The following RGS17 variants were observed in gnomAD, a reference collection of about 807,000 sequenced individuals.
The protein encoded by RGS17 is regulator of G protein signaling 17, also known as regulator of G-protein signaling 17.
A neutral mutation model predicts 25.5 loss-of-function variants in RGS17; 12 were observed. The observed-to-expected ratio is 0.47, with a 90% CI of 0.30 to 0.76. RGS17 has a LOEUF of 0.76. RGS17 is among the 30% of genes least tolerant of loss of function. The pLI, the probability that RGS17 is intolerant of heterozygous loss-of-function variation, is 0.07. For synonymous variants in RGS17, 71 were observed against 76.9 expected (o/e 0.92, Z 0.40); for missense variants, 196 against 242.2 (o/e 0.81, Z 1.27).
intron 2 of RGS17, among the ~76,000 whole-genome samples, chr6:153,033,313 G>A (rs1254498893): frequency 6.6e-6 from 1 of 152,080 alleles, no homozygotes; most frequent in African/African-American, 2.4e-5. Context: ...AATCTACACG[G>A]TACGTTTATG....
intron 1 of RGS17, among the ~76,000 whole-genome samples, chr6:153,047,106 C>T (rs1320529555): frequency 6.6e-6 from 1 of 152,038 alleles, no homozygotes; most frequent in African/African-American, 2.4e-5. Context: ...AATAATCATC[C>T]TACAATTTTA....
intron 1 of RGS17, among the ~76,000 whole-genome samples, chr6:153,082,790 T>C (rs1202642241): frequency 6.6e-6 from 1 of 152,188 alleles, no homozygotes; most frequent in Non-Finnish European, 1.5e-5. Flanking sequence ...TTTGTTCTCA[T>C]CTTTTAATGG....
intron 2 of RGS17, among the ~76,000 whole-genome samples, chr6:153,030,758 A>G (rs928089549): frequency 3.3e-5 from 5 of 152,228 alleles, no homozygotes; most frequent in Non-Finnish European, 5.9e-5. Flanking sequence ...AATGTGTATG[A>G]AACACTGGTT....
At chr6:153,072,277 CAAAT>C (rs754753626) in intron 1 of RGS17, among the ~76,000 whole-genome samples, 9 of 152,072 alleles carry the variant, frequency 5.9e-5, no homozygotes, top group African/African-American at 1.4e-4. Context: ...AAAGCATTAA[CAAAT>C]AACACACATA....
intron 1 of RGS17, among the ~76,000 whole-genome samples, chr6:153,046,224 T>TG: frequency 6.6e-6 from 1 of 151,928 alleles, no homozygotes; most frequent in South Asian, 2.1e-4. Flanking sequence ...TGGATACATT[T>TG]TTTAAGGGAT....
chr6:153,105,104 T>C (rs143352709), intron 1 of RGS17, among the ~76,000 whole-genome samples: 1 of 151,756 alleles, frequency 6.6e-6, no homozygotes, highest in East Asian at 1.9e-4. Context: ...TGAGGGCCAA[T>C]GTAAGGACTT....
At chr6:153,102,994 T>C (rs1482545784) in intron 1 of RGS17, among the ~76,000 whole-genome samples, 6 of 152,226 alleles carry the variant, frequency 3.9e-5, no homozygotes. Flanking sequence ...AAAAGCATTA[T>C]GGTGGTATAT....
intron 1 of RGS17, among the ~76,000 whole-genome samples, chr6:153,065,936 G>A (rs1169622589): frequency 3.3e-5 from 5 of 151,808 alleles, no homozygotes; most frequent in South Asian, 2.1e-4. Context: ...AAAGATCAGA[G>A]AGAAATAAAT....
Position 153,024,240 on chromosome 6 carries a change from T to C in RGS17, c.444+22A>G, listed in dbSNP as rs753357662. 1.2e-5 allele frequency: 18 copies of C among 1,536,902 alleles called. No individual in the cohort carries two copies. The Admixed American group carries it at 1.9e-4, about 17-fold the overall frequency. On this transcript the variant is annotated intron_variant, in intron 4 of 4. Transcript: ENST00000206262. ...TATCCTTGGTCTTAGGAAGCCCACC[T>C]CAATGTTTTCCAGATTTTTACCTCT... is the stretch of plus-strand genomic sequence containing the variant.
rs1776356701 is a variant in RGS17 at position 153,044,046 on chromosome 6, G to A, written c.-25-3C>T. The A allele has an allele frequency of 1.4e-6, 2 of 1,472,860 alleles. No homozygotes were observed. The highest frequency in any genetic ancestry group is 1.4e-5 in the African/African-American group (1 of 71,076). The allele number at this position is 1,472,860 out of a possible 1,614,324, so 91.2% of individuals were successfully genotyped here. A position where few individuals can be genotyped will look rare whatever the true frequency, so the allele number is the denominator to read the frequency against. On this transcript the variant is annotated splice_region_variant and splice_polypyrimidine_tract_variant and intron_variant, in intron 1 of 4. Coordinates refer to ENST00000206262, the MANE Select transcript of RGS17 (RefSeq NM_012419.5). ...CAGCTACTTCAGGACCCAGTTGGCT[G>A]AAAGAGATAAAACAAAAAATTGGGT...
intron 1 of RGS17, among the ~76,000 whole-genome samples, chr6:153,046,178 C>A (rs1167335433): frequency 6.6e-6 from 1 of 151,628 alleles, no homozygotes; most frequent in Non-Finnish European, 1.5e-5. Context: ...ACATAGCATA[C>A]CAGAGGCTGG....
chr6:153,070,997 G>A (rs1223941069), intron 1 of RGS17, among the ~76,000 whole-genome samples: 2 of 149,728 alleles, frequency 1.3e-5, no homozygotes, highest in Admixed American at 6.7e-5. Context: ...GTGTATATAT[G>A]TACATGTGTA....
At chr6:153,058,760 C>A (rs1056342840) in intron 1 of RGS17, among the ~76,000 whole-genome samples, 2 of 152,106 alleles carry the variant, frequency 1.3e-5, no homozygotes, top group Non-Finnish European at 2.9e-5. Flanking sequence ...TGATAACTAC[C>A]CTGCTTCAGC....
rs1423138360 is a variant in RGS17, at chr6:153,011,148, GA to G, written c.*425del. ...ATGTTAAAAAATGCAAACCATGGCC[GA>G]TTTTTTTGGCAATTATTTCTTAAGA... On this transcript the variant is annotated 3_prime_UTR_variant, in exon 5 of 5. Coordinates refer to ENST00000206262, the MANE Select transcript of RGS17 (RefSeq NM_012419.5). The G allele has an allele frequency of 1.3e-5, 2 of 156,230 alleles. No homozygotes were observed. The highest frequency in any genetic ancestry group is 4.8e-5 in the African/African-American group (2 of 41,536). 9.7% of individuals were successfully genotyped at this position (156,230 alleles called of 1,614,324 possible).
chr6:153,119,618 G>A (rs1046363202), intron 1 of RGS17, among the ~76,000 whole-genome samples: 26 of 152,036 alleles, frequency 1.7e-4, no homozygotes, highest in African/African-American at 5.3e-4. Context: ...GCTTGAACCC[G>A]GGAGGTGGAG....
intron 2 of RGS17, among the ~76,000 whole-genome samples, chr6:153,038,385 T>C (rs761502557): frequency 2.0e-5 from 3 of 152,314 alleles, no homozygotes; most frequent in Non-Finnish European, 2.9e-5. Flanking sequence ...TTGTGTAAAG[T>C]TGATATAACT....
intron 1 of RGS17, among the ~76,000 whole-genome samples, chr6:153,077,766 A>T (rs1475551853): frequency 6.6e-6 from 1 of 152,062 alleles, no homozygotes; most frequent in South Asian, 2.1e-4. Context: ...AAATTTATTA[A>T]TTTTTTTCTC....
intron 1 of RGS17, among the ~76,000 whole-genome samples, chr6:153,097,107 G>T (rs953731567): frequency 3.3e-5 from 5 of 152,026 alleles, no homozygotes; most frequent in African/African-American, 1.2e-4. Flanking sequence ...GCTATTCTTT[G>T]TGGCTTTTAA....
chr6:153,066,380 G>A (rs1463858470), intron 1 of RGS17, among the ~76,000 whole-genome samples: 1 of 152,218 alleles, frequency 6.6e-6, no homozygotes, highest in African/African-American at 2.4e-5. Context: ...GTAAAAAAAA[G>A]CCTGGGACCT....
Sources: allele counts gnomAD v4.1 joint callset (sites outside exome capture counted in the v4.1 genomes callset), GRCh38; gene constraint gnomAD v4.1.1; transcripts MANE v1.5; gene names NCBI Gene and HGNC (gene_info 2026-07-23, HGNC 2026-07-21).